RGL1: variants seen among roughly 807,000 people sequenced by gnomAD.
RGL1 encodes the protein ral guanine nucleotide dissociation stimulator-like 1.
Under a neutral mutation model 95.2 loss-of-function variants are expected in RGL1, and 24 were observed. The ratio of observed to expected loss-of-function variants is 0.25; its 90% CI spans 0.18 to 0.35. The LOEUF is 0.35. RGL1 is among the 10% of genes least tolerant of loss of function. RGL1 has a pLI of 1.00. For synonymous variants in RGL1, 329 were observed against 344.9 expected (o/e 0.95, Z 0.51); for missense variants, 715 against 936.3 (o/e 0.76, Z 3.08).
At chr1:183,842,762 T>A (rs957889331) in intron 2 of RGL1, among the ~76,000 whole-genome samples, 31 of 152,350 alleles carry the variant, frequency 2.0e-4, no homozygotes, top group Non-Finnish European at 2.4e-4. Flanking sequence ...GTCTGGGTTA[T>A]TAAGCACTTG....
chr1:183,696,764 T>G (rs1486719800), intron 1 of RGL1, among the ~76,000 whole-genome samples: 1 of 152,222 alleles, frequency 6.6e-6, no homozygotes, highest in Non-Finnish European at 1.5e-5. Flanking sequence ...CCCCAAATTT[T>G]AGTCATCCCT....
At chr1:183,822,121 G>A (rs1307694055) in intron 2 of RGL1, among the ~76,000 whole-genome samples, 4 of 151,954 alleles carry the variant, frequency 2.6e-5, no homozygotes, top group Non-Finnish European at 5.9e-5. Context: ...CAAAAATGAA[G>A]TTTATGGGGT....
At chr1:183,645,855 C>A (rs888097368) in intron 1 of RGL1, among the ~76,000 whole-genome samples, 1 of 152,218 alleles carries the variant, frequency 6.6e-6, no homozygotes, top group South Asian at 2.1e-4. Flanking sequence ...CCTGGACTTA[C>A]GACCTGTGAG....
intron 1 of RGL1, among the ~76,000 whole-genome samples, chr1:183,741,843 C>G (rs1657326009): frequency 6.6e-6 from 1 of 152,176 alleles, no homozygotes; most frequent in Non-Finnish European, 1.5e-5. Context: ...AGCACCAAAG[C>G]CAAGTGATGA....
chr1:183,856,087 C>T lies in RGL1; in HGVS notation c.347+8313C>T, dbSNP rs1665123334. ...TAGAAAAACTTTCAGGAAATCTTAA[C>T]ATTGCTTTGCTTCCTTTCTAGCTTA... On this transcript the variant is annotated intron_variant, in intron 3 of 17. Coordinates refer to ENST00000360851, the MANE Select transcript of RGL1 (RefSeq NM_001297671.3). 2.0e-5 allele frequency among the ~76,000 whole-genome samples: 3 copies of T among 152,162 alleles called. No homozygotes were observed. The South Asian group carries it at 6.2e-4, about 32-fold the overall frequency.
intron 1 of RGL1, chr1:183,646,360 T>C (rs1003768543): frequency 6.6e-6 from 1 of 152,112 alleles, no homozygotes; most frequent in African/African-American, 2.4e-5. Context: ...TCCTCCTCCC[T>C]TATGGAGTAT....
chr1:183,802,571 C>T (rs755106276), upstream of RGL1, among the ~76,000 whole-genome samples: 12 of 119,134 alleles, frequency 1.0e-4, no homozygotes, highest in Non-Finnish European at 1.5e-4. Flanking sequence ...CCCGTAAACA[C>T]GGGATGTCTT....
At chr1:183,861,652 T>A (rs1179240563) in intron 3 of RGL1, among the ~76,000 whole-genome samples, 40 of 152,250 alleles carry the variant, frequency 2.6e-4, no homozygotes, top group Admixed American at 2.6e-3. Context: ...TGACAATTTT[T>A]ATTTTAAGTT....
At chr1:183,671,315 T>G (rs1053492891) in intron 1 of RGL1, among the ~76,000 whole-genome samples, 1 of 152,256 alleles carries the variant, frequency 6.6e-6, no homozygotes, top group Non-Finnish European at 1.5e-5. Context: ...TAAGTCTTTG[T>G]GTGAACATAT....
chr1:183,685,157 CT>C (rs149006451), intron 1 of RGL1, among the ~76,000 whole-genome samples: 12,365 of 151,616 alleles, frequency 0.082, 917 homozygotes, highest in African/African-American at 0.2. Flanking sequence ...TCTACATTGG[CT>C]TTTTTTTTCC....
chr1:183,668,084 C>G (rs1169469669), intron 1 of RGL1, among the ~76,000 whole-genome samples: 1 of 151,954 alleles, frequency 6.6e-6, no homozygotes, highest in East Asian at 1.9e-4. Context: ...TCTGTTAGAT[C>G]AATTACGAAT....
rs935152059 is a variant in RGL1 at position 183,902,648 on chromosome 1, A to AG, written c.1350+48_1350+49insG. The AG allele has an allele frequency of 2.5e-6, 4 of 1,574,100 alleles. No homozygotes were observed. In the Admixed American group the frequency reaches 7.6e-5, roughly 30 times the overall value. The stretch of plus-strand genomic sequence containing the variant: ...TTTCCTTTGTCTGAGCATGAAAAAA[A>AG]TGAAAGAAATGGGGACTTAAGTTTT... On this transcript the variant is annotated intron_variant, in intron 12 of 17. Coordinates refer to ENST00000360851, the MANE Select transcript of RGL1 (RefSeq NM_001297671.3).
chr1:183,714,569 C>T (rs1270860802), intron 1 of RGL1, among the ~76,000 whole-genome samples: 1 of 152,050 alleles, frequency 6.6e-6, no homozygotes, highest in African/African-American at 2.4e-5. Context: ...TAATTTAAGC[C>T]CCTTGATTTG....
Position 183,868,444 on chromosome 1 carries a change from C to T in RGL1, c.425+2371C>T, listed in dbSNP as rs552658235. ...AGAGCCTTCTCGCTCAAAGTGTGAC[C>T]GTGGACCTATAGCATCAGCATCTCC... On this transcript the variant is annotated intron_variant, in intron 4 of 17. Transcript: ENST00000360851. Among the ~76,000 whole-genome samples, 39 of 152,148 alleles carry T rather than the reference C, an allele frequency of 2.6e-4. 1 individual carries two copies. In the South Asian group the frequency reaches 4.0e-3, roughly 15 times the overall value.
chr1:183,789,388 T>A (rs974877063), intron 2 of RGL1, among the ~76,000 whole-genome samples: 3 of 152,134 alleles, frequency 2.0e-5, no homozygotes, highest in African/African-American at 7.2e-5. Flanking sequence ...AGGTGGAGGT[T>A]GTAGTGAGCC....
At chr1:183,715,377 T>C (rs1016377208) in intron 1 of RGL1, among the ~76,000 whole-genome samples, 1 of 152,206 alleles carries the variant, frequency 6.6e-6, no homozygotes, top group African/African-American at 2.4e-5. Flanking sequence ...GGTGAACTGA[T>C]TGTTGGTGAA....
chr1:183,863,248 C>T (rs758923829), intron 3 of RGL1, among the ~76,000 whole-genome samples: 7 of 152,312 alleles, frequency 4.6e-5, no homozygotes, highest in African/African-American at 1.7e-4. Flanking sequence ...GTAAGACTTT[C>T]GCCTTTTCTC....
chr1:183,860,229 A>G (rs1558254253), intron 3 of RGL1, among the ~76,000 whole-genome samples: 1 of 151,990 alleles, frequency 6.6e-6, no homozygotes, highest in Non-Finnish European at 1.5e-5. Context: ...CCAATAAAGT[A>G]CCTCCTTCCC....
At chr1:183,775,439 T>C (rs973535079) in intron 2 of RGL1, among the ~76,000 whole-genome samples, 2 of 152,192 alleles carry the variant, frequency 1.3e-5, no homozygotes, top group Non-Finnish European at 2.9e-5. Context: ...AAGCACTTAA[T>C]TGATGTTTGT....
Sources: allele counts gnomAD v4.1 joint callset (sites outside exome capture counted in the v4.1 genomes callset), GRCh38; gene constraint gnomAD v4.1.1; transcripts MANE v1.5; gene names NCBI Gene and HGNC (gene_info 2026-07-23, HGNC 2026-07-21).